The following DGKB variants were observed in gnomAD, a reference collection of about 807,000 sequenced individuals.
DGKB encodes the protein diacylglycerol kinase beta.
A neutral mutation model predicts 114.3 loss-of-function variants in DGKB; 67 were observed. The ratio of observed to expected loss-of-function variants is 0.59; its 90% confidence interval spans 0.48 to 0.72. The LOEUF (loss-of-function observed/expected upper bound fraction) is 0.72. DGKB is among the 30% of genes least tolerant of loss of function. The pLI is 0.00. For synonymous variants in DGKB, 398 were observed against 323.1 expected, an observed-to-expected ratio of 1.23 and a Z score of -2.49; for missense variants, 907 against 975.2, an observed-to-expected ratio of 0.93 and a Z score of 0.93.
intron 9 of DGKB, among the ~76,000 whole-genome samples, chr7:14,687,775 C>A (rs1821981212): frequency 6.6e-6 from 1 of 151,988 alleles, no homozygotes; most frequent in African/African-American, 2.4e-5. Flanking sequence ...AATGATTGTC[C>A]ATTACATGTG....
intron 21 of DGKB, among the ~76,000 whole-genome samples, chr7:14,369,829 C>G (rs1439240670): frequency 6.6e-6 from 1 of 152,168 alleles, no homozygotes; most frequent in African/African-American, 2.4e-5. Flanking sequence ...AGCCATTTGT[C>G]AGATGGATAG....
intron 2 of DGKB, among the ~76,000 whole-genome samples, chr7:14,771,419 C>A (rs1042118416): frequency 1.3e-5 from 2 of 152,028 alleles, no homozygotes; most frequent in Non-Finnish European, 2.9e-5. Context: ...TCACTTTAGT[C>A]TGGGAACAAT....
intron 1 of DGKB, among the ~76,000 whole-genome samples, chr7:14,954,790 G>A (rs1786405231): frequency 6.6e-6 from 1 of 152,074 alleles, no homozygotes; most frequent in African/African-American, 2.4e-5. Flanking sequence ...ATATAGCCAA[G>A]TGGAGATAAC....
chr7:14,745,331 A>G (rs941025544), intron 4 of DGKB, among the ~76,000 whole-genome samples: 1 of 152,230 alleles, frequency 6.6e-6, no homozygotes, highest in Non-Finnish European at 1.5e-5. Flanking sequence ...CATATTTCCA[A>G]AACAGTGCCC....
intron 23 of DGKB, among the ~76,000 whole-genome samples, chr7:14,261,135 G>A (rs368388380): frequency 9.9e-5 from 15 of 151,722 alleles, no homozygotes; most frequent in Non-Finnish European, 1.8e-4. Context: ...TATTTTAACC[G>A]GTCTAAATTA....
intron 25 of DGKB, 74 bp from the exon 26 acceptor site, chr7:14,149,312 ACT>A (rs199807365): frequency 0.011 from 12,235 of 1,072,202 alleles, 121 homozygotes; most frequent in Non-Finnish European, 0.012. Context: ...AATTTGTGAG[ACT>A]CTCTGTTAAG....
At chr7:14,566,258 T>G (rs979122906) in intron 20 of DGKB, among the ~76,000 whole-genome samples, 1 of 152,188 alleles carries the variant, frequency 6.6e-6, no homozygotes, top group African/African-American at 2.4e-5. Flanking sequence ...TAGAAGGATT[T>G]TACTCATATG....
chr7:14,771,461 G>C (rs1350997053), intron 2 of DGKB, among the ~76,000 whole-genome samples: 1 of 152,050 alleles, frequency 6.6e-6, no homozygotes, highest in African/African-American at 2.4e-5. Flanking sequence ...AGTATCTAAA[G>C]GGGGTGCTTA....
At chr7:14,525,296 G>A (rs1228425675) in intron 20 of DGKB, among the ~76,000 whole-genome samples, 1 of 152,102 alleles carries the variant, frequency 6.6e-6, no homozygotes, top group Non-Finnish European at 1.5e-5. Context: ...ACTTCTTTGT[G>A]CATGATCCCA....
intron 21 of DGKB, among the ~76,000 whole-genome samples, chr7:14,374,269 T>A (rs1818143003): frequency 6.6e-6 from 1 of 152,206 alleles, no homozygotes; most frequent in African/African-American, 2.4e-5. Context: ...GACTTTGGTT[T>A]AGGAGGGGTT....
chr7:14,232,810 C>T (rs1425894820), intron 23 of DGKB, among the ~76,000 whole-genome samples: 3 of 151,934 alleles, frequency 2.0e-5, no homozygotes, highest in African/African-American at 7.2e-5. Context: ...ACTTGTAAGA[C>T]AAAAAAGTGC....
rs868002473 is a variant in DGKB, at chr7:14,288,698, G to C, written c.2122+49817C>G. 4.6e-5 allele frequency among the ~76,000 whole-genome samples: 7 copies of C among 152,194 alleles called. No individual in the cohort carries two copies. The East Asian group carries it at 1.4e-3, about 29-fold the overall frequency. ...TGTAGAGTAGCTCAAGTCAGCCTTT[G>C]ATTGTTAGTCAGACTCCATGGGCAA... On this transcript the variant is annotated intron_variant, in intron 23 of 25. Coordinates refer to ENST00000402815, the MANE Select transcript of DGKB (RefSeq NM_001350709.2).
intron 25 of DGKB, among the ~76,000 whole-genome samples, chr7:14,163,152 G>A (rs1469022792): frequency 6.6e-6 from 1 of 152,102 alleles, no homozygotes; most frequent in African/African-American, 2.4e-5. Flanking sequence ...TGACACCTTG[G>A]AATATTTTAA....
At chr7:14,934,186 T>C (rs1785168362) in intron 1 of DGKB, among the ~76,000 whole-genome samples, 1 of 152,194 alleles carries the variant, frequency 6.6e-6, no homozygotes, top group African/African-American at 2.4e-5. Context: ...TCACCTTCCA[T>C]TTATTTGATC....
At chr7:14,344,876 A>G (rs1239259766) in intron 22 of DGKB, among the ~76,000 whole-genome samples, 1 of 151,696 alleles carries the variant, frequency 6.6e-6, no homozygotes, top group Non-Finnish European at 1.5e-5. Context: ...ATGGAAAAGT[A>G]TACTTTTTAA....
chr7:14,204,642 T>C (rs1786459658), intron 23 of DGKB, among the ~76,000 whole-genome samples: 1 of 151,976 alleles, frequency 6.6e-6, no homozygotes, highest in Admixed American at 6.6e-5. Context: ...AACTAAAAGG[T>C]TCAAGTGCCT....
At chr7:14,151,177 T>C (rs1782139486) in intron 25 of DGKB, among the ~76,000 whole-genome samples, 1 of 152,066 alleles carries the variant, frequency 6.6e-6, no homozygotes, top group Non-Finnish European at 1.5e-5. Context: ...AGAGCTAAAG[T>C]AAGAAGGTTG....
chr7:14,834,563 C>G (rs1433907885), intron 2 of DGKB, among the ~76,000 whole-genome samples: 2 of 152,136 alleles, frequency 1.3e-5, no homozygotes, highest in East Asian at 1.9e-4. Context: ...CTCTCTGTCA[C>G]AGCAACTGCC....
At chr7:14,191,830 C>T (rs1019655806) in intron 23 of DGKB, 14 of 461,210 alleles carry the variant, frequency 3.0e-5, no homozygotes, top group Middle Eastern at 7.3e-4. Context: ...AAATCAGTGA[C>T]GGCTATGTCC....
Sources: allele counts gnomAD v4.1 joint callset (sites outside exome capture counted in the v4.1 genomes callset), GRCh38; gene constraint gnomAD v4.1.1; transcripts MANE v1.5; gene names NCBI Gene and HGNC (gene_info 2026-07-23, HGNC 2026-07-21).